The following PPP4R3B variants were observed in gnomAD, a reference collection of about 807,000 sequenced individuals.
PPP4R3B encodes serine/threonine-protein phosphatase 4 regulatory subunit 3B.
In PPP4R3B, 52 loss-of-function variants were observed where a neutral mutation model predicts 95.4. That is an observed-to-expected ratio of 0.54 (90% CI 0.44 to 0.69). The LOEUF is 0.69. PPP4R3B is among the 30% of genes least tolerant of loss of function. PPP4R3B has a pLI of 0.00. For synonymous variants in PPP4R3B, 407 were observed against 343.9 expected (o/e 1.18, Z -2.03); for missense variants, 1,003 against 1,005.9 (o/e 1.00, Z 0.04).
At chr2:55,589,849 G>C (rs1690718250) in intron 4 of PPP4R3B, among the ~76,000 whole-genome samples, 1 of 148,412 alleles carries the variant, frequency 6.7e-6, no homozygotes, top group African/African-American at 2.5e-5. Context: ...CCGGGAGGGG[G>C]AGCTTGCAGT....
rs573486690 is a variant in PPP4R3B, at chr2:55,576,429, A to C, written c.1606+886T>G. On this transcript the variant is annotated intron_variant, in intron 11 of 16. Coordinates refer to ENST00000616407, the MANE Select transcript of PPP4R3B (RefSeq NM_001122964.3). The stretch of plus-strand genomic sequence containing the variant: ...TTTTAACCTTGACCCTCAATGCTGT[A>C]TGTGGAAATTAAGTTTAAAAAAACA... Among the ~76,000 whole-genome samples the C allele has an allele frequency of 1.5e-4, 22 of 148,956 alleles. No homozygotes were observed. The South Asian group carries it at 4.1e-3, about 27-fold the overall frequency.
At chr2:55,597,461 A>C (rs1458778550) in intron 4 of PPP4R3B, among the ~76,000 whole-genome samples, 3 of 152,116 alleles carry the variant, frequency 2.0e-5, no homozygotes, top group Non-Finnish European at 4.4e-5. Context: ...TCTCTACTAA[A>C]AACACAAAAA....
intron 2 of PPP4R3B, among the ~76,000 whole-genome samples, chr2:55,606,932 A>G (rs755940432): frequency 6.6e-6 from 1 of 151,990 alleles, no homozygotes; most frequent in Non-Finnish European, 1.5e-5. Flanking sequence ...GCTTTGTCCC[A>G]TGGTTGACAG....
chr2:55,555,294 A>AAAAG (rs1472649862), intron 16 of PPP4R3B, among the ~76,000 whole-genome samples: 1 of 150,836 alleles, frequency 6.6e-6, no homozygotes. Context: ...AAAAAAAAAA[A>AAAAG]AAAGAAAGAA....
intron 2 of PPP4R3B, among the ~76,000 whole-genome samples, chr2:55,610,098 T>A (rs898420849): frequency 6.6e-6 from 1 of 152,192 alleles, no homozygotes; most frequent in Non-Finnish European, 1.5e-5. Flanking sequence ...TCAAAAACAC[T>A]ATCAGTGACC....
At chr2:55,550,280 C>G (rs1191386248) in intron 16 of PPP4R3B, among the ~76,000 whole-genome samples, 1 of 152,098 alleles carries the variant, frequency 6.6e-6, no homozygotes, top group Non-Finnish European at 1.5e-5. Context: ...GGGAAAATGT[C>G]TACTTTTCCA....
At chr2:55,592,625 A>G (rs1032873196) in intron 4 of PPP4R3B, among the ~76,000 whole-genome samples, 3 of 152,132 alleles carry the variant, frequency 2.0e-5, no homozygotes, top group African/African-American at 7.2e-5. Flanking sequence ...GCATCTGCAA[A>G]ATATGTTAAA....
chr2:55,610,458 C>G (rs1320516557), intron 2 of PPP4R3B, among the ~76,000 whole-genome samples: 2 of 152,114 alleles, frequency 1.3e-5, no homozygotes, highest in African/African-American at 2.4e-5. Flanking sequence ...GGCTTAATAC[C>G]TTTTGTAGCA....
Position 55,617,209 on chromosome 2 carries a change from T to C in PPP4R3B, c.77A>G (p.His26Arg). The change falls in exon 1 of 17, where the codon CAC becomes CGC. Residue 26 changes from histidine (H) to arginine (R), a missense_variant. His to Arg is a conservative substitution (Grantham distance 29). This residue lies in a region of PPP4R3B where 695 missense variants were observed against 686.2 expected (regional missense o/e 1.01). Transcript: ENST00000616407. ...DRQWDDRGTG[H>R]VSSTYVEELK... ...CTCCTCCACGTAAGTGGAGGAGACG[T>C]GCCCGGTGCCTCGGTCGTCCCATTG... 6.2e-7 allele frequency: 1 copy of C among 1,614,070 alleles called. No homozygotes were observed. Among genetic ancestry groups the C allele is most frequent in the Non-Finnish European group, 8.5e-7 (1 of 1,179,956 alleles).
At position 55,578,349 on chromosome 2, in the gene PPP4R3B, A is replaced by G. The variant is rs1371326012; in HGVS notation, c.1469-7T>C. The G allele has an allele frequency of 5.8e-6, 8 of 1,376,318 alleles. No homozygotes were observed. Among genetic ancestry groups the G allele is most frequent in the Non-Finnish European group, 7.6e-6 (8 of 1,059,228 alleles). The allele number at this position is 1,376,318 out of a possible 1,614,324, so 85.3% of individuals were successfully genotyped here. A position where few individuals can be genotyped will look rare whatever the true frequency, so the allele number is the denominator to read the frequency against. Reference sequence around the variant, plus strand: ...TAATGTTTTAAAAAAAAATCTGAAAAAAAATATGGCAAGTTAGTTTTGATA... The same window carrying G: ...TAATGTTTTAAAAAAAAATCTGAAAGAAAATATGGCAAGTTAGTTTTGATA... On this transcript the variant is annotated splice_region_variant and splice_polypyrimidine_tract_variant and intron_variant, in intron 9 of 16. Coordinates refer to ENST00000616407, the MANE Select transcript of PPP4R3B (RefSeq NM_001122964.3).
intron 12 of PPP4R3B, among the ~76,000 whole-genome samples, chr2:55,572,028 AAG>A (rs1481601735): frequency 1.3e-5 from 2 of 152,252 alleles, no homozygotes; most frequent in African/African-American, 4.8e-5. Context: ...TTCAGAAGGA[AAG>A]AGGAAAGGTA....
At chr2:55,611,233 C>A (rs1694128061) in intron 2 of PPP4R3B, among the ~76,000 whole-genome samples, 1 of 152,138 alleles carries the variant, frequency 6.6e-6, no homozygotes, top group Non-Finnish European at 1.5e-5. Flanking sequence ...ACAATCATAG[C>A]ACCCTACAGC....
intron 12 of PPP4R3B, among the ~76,000 whole-genome samples, chr2:55,570,590 G>C (rs951387995): frequency 1.3e-5 from 2 of 152,118 alleles, no homozygotes; most frequent in Non-Finnish European, 2.9e-5. Context: ...TTTCCCCTAA[G>C]TAGTTTATTC....
intron 2 of PPP4R3B, among the ~76,000 whole-genome samples, chr2:55,609,475 A>G (rs1278069924): frequency 1.3e-5 from 2 of 152,126 alleles, no homozygotes; most frequent in East Asian, 3.9e-4. Flanking sequence ...TGAGCTCAGG[A>G]GTTCAAGACC....
rs1182985223 is a variant in PPP4R3B at position 55,548,101 on chromosome 2, C to G, written c.*1810G>C. ...CTTATGAGGTGGAAGGTCTTTCTTT[C>G]TTACTATATGTACACCTTTAATTGA... On this transcript the variant is annotated 3_prime_UTR_variant, in exon 17 of 17. Coordinates refer to ENST00000616407, the MANE Select transcript of PPP4R3B (RefSeq NM_001122964.3). 6.6e-6 allele frequency: 1 copy of G among 152,146 alleles called. No individual in the cohort carries two copies. The highest frequency in any genetic ancestry group is 1.9e-4 in the East Asian group (1 of 5,204). 9.4% of individuals were successfully genotyped at this position (152,146 alleles called of 1,614,324 possible).
intron 1 of PPP4R3B, 82 bp downstream of exon 1, chr2:55,617,062 G>C: frequency 6.8e-7 from 1 of 1,471,836 alleles, no homozygotes; most frequent in Non-Finnish European, 9.1e-7. Context: ...GAGTAGCAAC[G>C]GTAACGGGCC....
intron 4 of PPP4R3B, among the ~76,000 whole-genome samples, chr2:55,593,773 T>C (rs565277861): frequency 2.0e-5 from 3 of 152,160 alleles, no homozygotes; most frequent in Non-Finnish European, 4.4e-5. Context: ...CTGGCCACAA[T>C]CTTATTTCTT....
Position 55,598,404 on chromosome 2 carries a change from C to A in PPP4R3B, c.921+12G>T. 6.2e-7 allele frequency: 1 copy of A among 1,609,904 alleles called. No homozygotes were observed. The highest frequency in any genetic ancestry group is 8.5e-7 in the Non-Finnish European group (1 of 1,178,284). Reference sequence around the variant, plus strand: ...TGAAAAATGGAATCGTGAAGAGTATCTTTTTACTTACCTGCAACATGCTGA... The same window carrying A: ...TGAAAAATGGAATCGTGAAGAGTATATTTTTACTTACCTGCAACATGCTGA... On this transcript the variant is annotated intron_variant, in intron 4 of 16. Coordinates refer to ENST00000616407, the MANE Select transcript of PPP4R3B (RefSeq NM_001122964.3).
Position 55,607,753 on chromosome 2 carries a change from G to T in PPP4R3B, c.199-3677C>A, listed in dbSNP as rs555421869. 2.6e-5 allele frequency among the ~76,000 whole-genome samples: 4 copies of T among 152,214 alleles called. No homozygotes were observed. In the South Asian group the frequency reaches 6.2e-4, roughly 24 times the overall value. ...CTCCCCTTCTGGAGGATGGCGGATG[G>T]GGTTCAAAGCCGCAATCTTCTAACC... On this transcript the variant is annotated intron_variant, in intron 2 of 16. Coordinates refer to ENST00000616407, the MANE Select transcript of PPP4R3B (RefSeq NM_001122964.3).
Sources: allele counts gnomAD v4.1 joint callset (sites outside exome capture counted in the v4.1 genomes callset), GRCh38; gene constraint gnomAD v4.1.1; regional missense constraint gnomAD v4.1.1; transcripts MANE v1.5; gene names NCBI Gene and HGNC (gene_info 2026-07-23, HGNC 2026-07-21).